Variants in CCDC106 observed in about 807,000 individuals in gnomAD.
The protein encoded by CCDC106 is coiled-coil domain-containing protein 106.
A neutral mutation model predicts 24.7 loss-of-function variants in CCDC106; 17 were observed. The observed-to-expected ratio is 0.69, with a 90% CI of 0.47 to 1.03. The LOEUF (loss-of-function observed/expected upper bound fraction) is 1.03. CCDC106 is among the 50% of genes least tolerant of loss of function. CCDC106 has a pLI of 0.00. For synonymous variants in CCDC106, 211 were observed against 161.3 expected (o/e 1.31, Z -2.34); for missense variants, 337 against 388.9 (o/e 0.87, Z 1.12).
At chr19:55,649,638 C>T (rs375488487) in intron 3 of CCDC106, 54 bp downstream of exon 3, 143 of 1,530,144 alleles carry the variant, frequency 9.3e-5, no homozygotes, top group Non-Finnish European at 1.2e-4. Flanking sequence ...ACTGGGTACC[C>T]GCTCACCCAG....
At chr19:55,651,037 G>A (rs1377448792) in intron 3 of CCDC106, among the ~76,000 whole-genome samples, 2 of 152,190 alleles carry the variant, frequency 1.3e-5, no homozygotes, top group Non-Finnish European at 2.9e-5. Context: ...CTGGTCGGCT[G>A]CCTCCGTAAG....
At chr19:55,651,607 G>C (rs1470194768) in intron 4 of CCDC106, 112 bp downstream of exon 4, 2 of 726,802 alleles carry the variant, frequency 2.8e-6, no homozygotes, top group Non-Finnish European at 4.5e-6. Flanking sequence ...GCTGGAGAAA[G>C]ACCCACCGGG....
At chr19:55,651,714 TGC>T (rs1983296278) in intron 4 of CCDC106, among the ~76,000 whole-genome samples, 3 of 151,620 alleles carry the variant, frequency 2.0e-5, no homozygotes, top group Non-Finnish European at 2.9e-5. Flanking sequence ...GCTGGAGTGG[TGC>T]AGTGGCGCAT....
rs750078376 is a variant in CCDC106, at chr19:55,649,423, C to T, written c.152C>T (p.Ala51Val). Reference sequence around the variant, plus strand: ...GTGTCCCTAGAGCCTCCGGAGGCTGCGTCCTCCGCCCTGGCTCTGATGAAC... The same window carrying T: ...GTGTCCCTAGAGCCTCCGGAGGCTGTGTCCTCCGCCCTGGCTCTGATGAAC... Reference protein sequence around the residue: ...RRNFEEPPEAASSALALMNSV... With the variant: ...RRNFEEPPEAVSSALALMNSV... The change falls in exon 3 of 5, where the codon GCG (alanine) becomes GTG (valine). Residue 51 changes from alanine to valine, a missense_variant. Physicochemically the swap from Ala to Val is moderately conservative, Grantham distance 64. Coordinates refer to ENST00000586790, the MANE Select transcript of CCDC106 (RefSeq NM_001370470.1). The T allele has an allele frequency of 5.6e-6, 9 of 1,613,892 alleles. No homozygotes were observed. The highest frequency in any genetic ancestry group is 1.3e-5 in the African/African-American group (1 of 74,894).
rs1185764492 is a variant in CCDC106, at chr19:55,649,537, T to C, written c.266T>C (p.Leu89Pro). 2.5e-6 allele frequency: 4 copies of C among 1,614,036 alleles called. No homozygotes were observed. The highest frequency in any genetic ancestry group is 3.4e-6 in the Non-Finnish European group (4 of 1,180,002). ...IEDLEEERDFLRCQLDKFISS... is the reference protein window; with the variant it reads ...IEDLEEERDFPRCQLDKFISS... ...GACCTGGAGGAAGAGAGGGACTTCC[T>C]GCGGTGCCAGCTGGACAAATTCATC... The change falls in exon 3 of 5, where the codon CTG becomes CCG. Residue 89 changes from leucine (L) to proline (P), a missense_variant. Leu to Pro is a moderately conservative substitution (Grantham distance 98, BLOSUM62 -3). Around this residue, in one of 2 missense-constraint regions of CCDC106, gnomAD observed 234 missense variants for 236.5 expected, o/e 0.99. Coordinates refer to ENST00000586790, the MANE Select transcript of CCDC106 (RefSeq NM_001370470.1).
At chr19:55,647,890 A>T (rs1600054250), upstream of CCDC106, 1 of 151,536 alleles carries the variant, frequency 6.6e-6, no homozygotes, top group African/African-American at 2.4e-5. Context: ...CATTGGGCAC[A>T]CCGCCACCCA....
chr19:55,651,865 T>G (rs960825559), intron 4 of CCDC106, among the ~76,000 whole-genome samples: 4 of 152,098 alleles, frequency 2.6e-5, no homozygotes, highest in Non-Finnish European at 5.9e-5. Flanking sequence ...GGTTTCACCG[T>G]GTTTGCCAGG....
rs919180732 is a variant in CCDC106 at position 55,652,872 on chromosome 19, C to G, written c.*126C>G. ...CTCCCTGGGTTGGGGGCTCCCTTAG[C>G]CGGGCCCCCAAGCGCGACGGCCCCG... is the stretch of plus-strand genomic sequence containing the variant. On this transcript the variant is annotated 3_prime_UTR_variant, in exon 5 of 5. Transcript: ENST00000586790. The surrounding 1 kb of genome is among the most constrained non-coding windows in gnomAD (Gnocchi z 5.9). 6 of 867,230 alleles carry G rather than the reference C, an allele frequency of 6.9e-6. No homozygotes were observed. Among genetic ancestry groups the G allele is most frequent in the Non-Finnish European group, 1.0e-5 (6 of 578,882 alleles). 53.7% of individuals were successfully genotyped at this position (867,230 alleles called of 1,614,324 possible).
intron 3 of CCDC106, among the ~76,000 whole-genome samples, chr19:55,650,989 T>C (rs1333347754): frequency 2.0e-5 from 3 of 152,086 alleles, no homozygotes; most frequent in Non-Finnish European, 4.4e-5. Context: ...CTCCCTCCCC[T>C]ATGGGAACCG....
rs550542661 is a variant in CCDC106 at position 55,649,388 on chromosome 19, C to A, written c.137-20C>A. On this transcript the variant is annotated intron_variant, in intron 2 of 4. Transcript: ENST00000586790. ...GTCCCAGGGTGTGACCTGGTCCCCCCACCCTCGCTGTGTCCCTAGAGCCTC... is the reference window on the plus strand; with the variant it reads ...GTCCCAGGGTGTGACCTGGTCCCCCAACCCTCGCTGTGTCCCTAGAGCCTC... 1.9e-6 allele frequency: 3 copies of A among 1,613,730 alleles called. No homozygotes were observed. Among genetic ancestry groups the A allele is most frequent in the East Asian group, 2.2e-5 (1 of 44,894 alleles).
chr19:55,647,590 C>A (rs1293992090), upstream of CCDC106, among the ~76,000 whole-genome samples: 2 of 152,174 alleles, frequency 1.3e-5, no homozygotes, highest in Non-Finnish European at 2.9e-5. Flanking sequence ...AGTTAACAGG[C>A]TGGGGAGGAG....
In CCDC106 at chr19:55,652,414, C is replaced by T. The variant is rs200583354; in HGVS notation, c.527-16C>T. ...GCCCTGCCCCTCACTTTCGTGTCCC[C>T]GCCTCCACCCCTCAGTGAAGGACGC... On this transcript the variant is annotated splice_polypyrimidine_tract_variant and intron_variant, in intron 4 of 4. Coordinates refer to ENST00000586790, the MANE Select transcript of CCDC106 (RefSeq NM_001370470.1). This position sits in a 1 kb window ranked among gnomAD's most constrained non-coding sequence, Gnocchi z 5.9. The T allele has an allele frequency of 4.4e-5, 69 of 1,577,668 alleles. No individual in the cohort carries two copies. In the East Asian group the frequency reaches 1.3e-3, roughly 29 times the overall value.
chr19:55,652,283 T>C lies in CCDC106; in HGVS notation c.527-147T>C, dbSNP rs1254041510. On this transcript the variant is annotated intron_variant, in intron 4 of 4. Transcript: ENST00000586790. The surrounding 1 kb of genome is among the most constrained non-coding windows in gnomAD (Gnocchi z 5.9). ...CTTCCCCTCCTCTCTGCCCCTTCCT[T>C]GCCTGTTGTTCTCCGTCTCCACCTG... 1.5e-6 allele frequency: 1 copy of C among 649,660 alleles called. No individual in the cohort carries two copies. The highest frequency in any genetic ancestry group is 2.8e-5 in the East Asian group (1 of 36,116). The allele number at this position is 649,660 out of a possible 1,614,324, so 40.2% of individuals were successfully genotyped here. A position where few individuals can be genotyped will look rare whatever the true frequency, so the allele number is the denominator to read the frequency against.
At position 55,651,402 on chromosome 19, in the gene CCDC106, G is replaced by A. The variant is rs781485981; in HGVS notation, c.433G>A (p.Glu145Lys). 4.3e-6 allele frequency: 7 copies of A among 1,611,404 alleles called. No individual in the cohort carries two copies. In the South Asian group the frequency reaches 7.7e-5, roughly 18 times the overall value. Residue 145 changes from glutamate (E) to lysine (K), a missense_variant, in exon 4 of 5, where the codon GAA (glutamate) becomes AAA (lysine). By Grantham distance (56) the Glu-to-Lys change is moderately conservative (BLOSUM62 1). Around this residue, in one of 2 missense-constraint regions of CCDC106, gnomAD observed 234 missense variants for 236.5 expected, o/e 0.99. Coordinates refer to ENST00000586790, the MANE Select transcript of CCDC106 (RefSeq NM_001370470.1). The part of the protein sequence containing the change: ...AASSLSGASE[E>K]GSASERRRQK... ...CTCCTCCCTCAGCGGAGCGTCCGAA[G>A]AAGGCAGCGCCAGTGAGAGGAGGCG...
In CCDC106 at chr19:55,652,172, G is replaced by A. The variant is rs1234809340; in HGVS notation, c.527-258G>A. Among the ~76,000 whole-genome samples, 1 of 151,950 alleles carries A rather than the reference G, an allele frequency of 6.6e-6. No homozygotes were observed. The highest frequency in any genetic ancestry group is 2.4e-5 in the African/African-American group (1 of 41,360). On this transcript the variant is annotated intron_variant, in intron 4 of 4. Coordinates refer to ENST00000586790, the MANE Select transcript of CCDC106 (RefSeq NM_001370470.1). The surrounding 1 kb of genome is among the most constrained non-coding windows in gnomAD (Gnocchi z 5.9). ...TGCTGGGACCGCGTGGGTTGAACCCGGCCTCTTGGCTCATTTTGTCTCCTC... is the reference window on the plus strand; with the variant it reads ...TGCTGGGACCGCGTGGGTTGAACCCAGCCTCTTGGCTCATTTTGTCTCCTC...
Position 55,648,611 on chromosome 19 carries a change from C to T in CCDC106, c.-436C>T, listed in dbSNP as rs1022271167. 2.0e-5 allele frequency: 4 copies of T among 196,094 alleles called. No individual in the cohort carries two copies. The highest frequency in any genetic ancestry group is 1.3e-4 in the East Asian group (1 of 7,492). The allele number at this position is 196,094 out of a possible 1,614,324, so 12.1% of individuals were successfully genotyped here. On this transcript the variant is annotated 5_prime_UTR_variant, in exon 1 of 5. Coordinates refer to ENST00000586790, the MANE Select transcript of CCDC106 (RefSeq NM_001370470.1). ...CTACCCTGGGAAGTTGGGGCAGTTT[C>T]CCCCTGCACCTGCCTCTTCCTTAGG...
At chr19:55,651,992 A>G (rs1346190877) in intron 4 of CCDC106, among the ~76,000 whole-genome samples, 1 of 151,976 alleles carries the variant, frequency 6.6e-6, no homozygotes, top group Non-Finnish European at 1.5e-5. Flanking sequence ...GTTTTGGTCC[A>G]CCGTCGAGGG....
At chr19:55,651,895 C>T (rs1326302399) in intron 4 of CCDC106, among the ~76,000 whole-genome samples, 1 of 152,162 alleles carries the variant, frequency 6.6e-6, no homozygotes. Flanking sequence ...ATCTCCTGCC[C>T]TCGTGATCCA....
In CCDC106 at chr19:55,652,713, G is replaced by A. The variant is rs1317887907; in HGVS notation, c.810G>A (p.Leu270=). 1.2e-6 allele frequency: 2 copies of A among 1,612,502 alleles called. No individual in the cohort carries two copies. The highest frequency in any genetic ancestry group is 2.7e-5 in the African/African-American group (2 of 74,890). ...TGCAGGCGCTCAAGAAGAGCAAGCTGCTGCTGCCCATCACCTACCGCTTCA... is the reference window on the plus strand; with the variant it reads ...TGCAGGCGCTCAAGAAGAGCAAGCTACTGCTGCCCATCACCTACCGCTTCA... ...KKVQALKKSK[L]LLPITYRFKR is the part of the protein sequence containing the mutation. The change falls in exon 5 of 5, where the codon CTG becomes CTA. Residue 270 remains leucine, a synonymous_variant. Coordinates refer to ENST00000586790, the MANE Select transcript of CCDC106 (RefSeq NM_001370470.1). This position sits in a 1 kb window ranked among gnomAD's most constrained non-coding sequence, Gnocchi z 5.9.
Sources: gnomAD v4.1 joint callset for allele counts (sites outside exome capture counted in the v4.1 genomes callset) on GRCh38, gnomAD v4.1.1 for gene constraint, gnomAD v4.1.1 regional missense constraint, Gnocchi (gnomAD v3.1) non-coding constraint, MANE v1.5 for transcripts, NCBI Gene and HGNC (gene_info 2026-07-23, HGNC 2026-07-21) for gene names.